The following SPECC1 variants were observed in gnomAD, a reference collection of about 807,000 sequenced individuals.
SPECC1 encodes the protein cytospin-B.
SPECC1 carries 62 observed loss-of-function variants against 104.1 expected under a neutral mutation model. The ratio of observed to expected loss-of-function variants is 0.60; its 90% CI spans 0.49 to 0.74. The LOEUF (loss-of-function observed/expected upper bound fraction) is 0.74. SPECC1 is among the 30% of genes least tolerant of loss of function. The pLI, the probability that SPECC1 is intolerant of heterozygous loss-of-function variation, is 0.00. For synonymous variants in SPECC1, 513 were observed against 501.6 expected (o/e 1.02, Z -0.30); for missense variants, 1,306 against 1,310.5 (o/e 1.00, Z 0.05).
intron 1 of SPECC1, among the ~76,000 whole-genome samples, chr17:20,058,835 C>CTTTT (rs58811372): frequency 4.6e-4 from 48 of 103,566 alleles, no homozygotes; most frequent in East Asian, 1.3e-3. Context: ...CACTTTATTT[C>CTTTT]TTTTTTTTTT....
At chr17:20,028,915 A>G (rs2044703645) in intron 1 of SPECC1, among the ~76,000 whole-genome samples, 3 of 152,158 alleles carry the variant, frequency 2.0e-5, no homozygotes. Context: ...GGCATGTGCC[A>G]CCACGCCTGA....
chr17:20,308,934 A>G (rs2041852186), intron 14 of SPECC1, among the ~76,000 whole-genome samples: 1 of 152,204 alleles, frequency 6.6e-6, no homozygotes, highest in Non-Finnish European at 1.5e-5. Context: ...ATTAATATTT[A>G]CTTCTGTTTA....
intron 12 of SPECC1, among the ~76,000 whole-genome samples, chr17:20,288,069 A>C (rs2041019069): frequency 6.7e-6 from 1 of 149,986 alleles, no homozygotes. Context: ...CTGTTTCTGT[A>C]CTAGTTTGCT....
intron 3 of SPECC1, chr17:20,111,811 G>GTT: frequency 3.6e-6 from 3 of 829,634 alleles, no homozygotes; most frequent in Middle Eastern, 3.6e-4. Flanking sequence ...GGACCCAGGG[G>GTT]GGGGGCAGCG....
intron 1 of SPECC1, among the ~76,000 whole-genome samples, chr17:20,071,970 G>A (rs1453719717): frequency 2.0e-5 from 3 of 152,106 alleles, no homozygotes; most frequent in African/African-American, 7.2e-5. Flanking sequence ...TTTCTGCCTA[G>A]CCTTTTTTCT....
At chr17:20,137,428 G>A (rs546351564) in intron 3 of SPECC1, among the ~76,000 whole-genome samples, 1 of 152,264 alleles carries the variant, frequency 6.6e-6, no homozygotes, top group Non-Finnish European at 1.5e-5. Flanking sequence ...CAAATGAAAT[G>A]ACACATCTGC....
chr17:20,146,185 C>G (rs537550491), intron 3 of SPECC1, among the ~76,000 whole-genome samples: 30 of 152,166 alleles, frequency 2.0e-4, no homozygotes, highest in Non-Finnish European at 3.5e-4. Flanking sequence ...TTTCCCTGCC[C>G]TAAAAATCGC....
At position 20,059,527 on chromosome 17, in the gene SPECC1, G is replaced by A. The variant is rs549671667; in HGVS notation, c.-21-37104G>A. 7.9e-4 allele frequency among the ~76,000 whole-genome samples: 120 copies of A among 151,776 alleles called. 2 individuals are homozygous for A. The highest frequency in any genetic ancestry group is 2.9e-3 in the South Asian group (14 of 4,794). ...TTTAGATCATCAACTCTGCTCTGAG[G>A]AAAACAGCAGTGTTGTAGACTGGCA... is the stretch of plus-strand genomic sequence containing the variant. On this transcript the variant is annotated intron_variant, in intron 1 of 14. Coordinates refer to ENST00000395527, the MANE Select transcript of SPECC1 (RefSeq NM_001243439.2).
At chr17:20,060,588 T>A (rs183185625) in intron 1 of SPECC1, among the ~76,000 whole-genome samples, 7 of 152,372 alleles carry the variant, frequency 4.6e-5, no homozygotes, top group Non-Finnish European at 7.3e-5. Flanking sequence ...TCCAATTTTT[T>A]AATTATTCAC....
In SPECC1 at chr17:20,241,267, G is replaced by A. The variant is rs78622424; in HGVS notation, c.2352-4659G>A. On this transcript the variant is annotated intron_variant, in intron 7 of 14. Transcript: ENST00000395527. ...GAGCCAGCTCTCTGGATCTCTTTGC[G>A]TGCCCCTCATCCATTTTAGGTGCAC... Among the ~76,000 whole-genome samples, 449 of 152,226 alleles carry A rather than the reference G, an allele frequency of 2.9e-3. 4 individuals carry two copies. Among genetic ancestry groups the A allele is most frequent in the African/African-American group, 0.01 (416 of 41,530 alleles).
At chr17:20,278,076 A>G (rs2040634081) in intron 12 of SPECC1, among the ~76,000 whole-genome samples, 1 of 151,828 alleles carries the variant, frequency 6.6e-6, no homozygotes, top group Non-Finnish European at 1.5e-5. Context: ...TTGGACCCAT[A>G]TTCCTGGCCT....
In SPECC1 at chr17:20,227,553, G is replaced by A. The variant is rs1375327019; in HGVS notation, c.2004G>A (p.Leu668=). ...ACATGAAAGAAACCATATTTGAATT[G>A]GAAGATCAGGTGGAACAGCACCGGG... The part of the protein sequence containing the change: ...IKDMKETIFE[L]EDQVEQHRAV... Residue 668 remains leucine, a synonymous_variant, in exon 5 of 15, where the codon TTG becomes TTA. Coordinates refer to ENST00000395527, the MANE Select transcript of SPECC1 (RefSeq NM_001243439.2). 4.2e-5 allele frequency: 67 copies of A among 1,612,286 alleles called. No individual in the cohort carries two copies. The highest frequency in any genetic ancestry group is 5.6e-5 in the Non-Finnish European group (66 of 1,179,624).
At chr17:20,176,465 A>T (rs1196051762) in intron 3 of SPECC1, among the ~76,000 whole-genome samples, 1 of 152,090 alleles carries the variant, frequency 6.6e-6, no homozygotes, top group African/African-American at 2.4e-5. Context: ...TTATTTATGT[A>T]GTCAGGGAGT....
intron 2 of SPECC1, among the ~76,000 whole-genome samples, chr17:20,106,895 G>C (rs749585904): frequency 7.2e-5 from 11 of 152,062 alleles, no homozygotes; most frequent in African/African-American, 2.4e-4. Context: ...GGTGGCCCAC[G>C]CCTGTAATCC....
intron 2 of SPECC1, among the ~76,000 whole-genome samples, chr17:20,102,823 G>A (rs184688570): frequency 5.3e-5 from 8 of 152,176 alleles, no homozygotes; most frequent in Admixed American, 1.3e-4. Flanking sequence ...GTTTTTACAG[G>A]ATAACAATAG....
chr17:20,030,929 A>G (rs888677440), intron 1 of SPECC1, among the ~76,000 whole-genome samples: 3 of 152,118 alleles, frequency 2.0e-5, no homozygotes, highest in African/African-American at 7.2e-5. Flanking sequence ...TTGGTCCTGC[A>G]CATCTTTCTC....
intron 1 of SPECC1, among the ~76,000 whole-genome samples, chr17:20,024,322 A>C (rs551230676): frequency 6.6e-6 from 1 of 152,078 alleles, no homozygotes; most frequent in Non-Finnish European, 1.5e-5. Context: ...TTCATTCATC[A>C]CGTCCTTTGT....
Position 20,009,882 on chromosome 17 carries a change from G to C in SPECC1, c.-22+458G>C, listed in dbSNP as rs539079684. The stretch of plus-strand genomic sequence containing the variant: ...CGCACCCTCCCTGTTGTGCCTTGGG[G>C]GTGCTGCGTGGTGCAGAGGACCGAG... On this transcript the variant is annotated intron_variant, in intron 1 of 14. Transcript: ENST00000395527. The surrounding 1 kb of genome is among the most constrained non-coding windows in gnomAD (Gnocchi z 5.2). The C allele has an allele frequency of 6.6e-6, 1 of 152,304 alleles. No individual in the cohort carries two copies. Among genetic ancestry groups the C allele is most frequent in the Non-Finnish European group, 1.5e-5 (1 of 68,120 alleles). 9.4% of individuals were successfully genotyped at this position (152,304 alleles called of 1,614,324 possible).
chr17:20,074,622 C>G (rs2046685515), intron 1 of SPECC1, among the ~76,000 whole-genome samples: 1 of 152,146 alleles, frequency 6.6e-6, no homozygotes, highest in Non-Finnish European at 1.5e-5. Context: ...AGGTGCTGCT[C>G]TAGCTGCAGA....
Sources: allele counts gnomAD v4.1 joint callset (sites outside exome capture counted in the v4.1 genomes callset), GRCh38; gene constraint gnomAD v4.1.1; non-coding constraint Gnocchi (gnomAD v3.1); transcripts MANE v1.5; gene names NCBI Gene and HGNC (gene_info 2026-07-23, HGNC 2026-07-21).